Variants in LAMA4 observed in about 807,000 individuals in gnomAD.
The protein encoded by LAMA4 is laminin subunit alpha-4.
In LAMA4, 127 loss-of-function variants were observed where a neutral mutation model predicts 207.1. The observed-to-expected ratio is 0.61, with a 90% CI of 0.53 to 0.71. The LOEUF (loss-of-function observed/expected upper bound fraction) is 0.71. Among genes scored for constraint, LAMA4 ranks in the 30% least tolerant of loss-of-function variants. The pLI is 0.00. For synonymous variants in LAMA4, 761 were observed against 816.0 expected, an observed-to-expected ratio of 0.93 and a Z score of 1.15; for missense variants, 2,093 against 2,246.5, an observed-to-expected ratio of 0.93 and a Z score of 1.38.
intron 2 of LAMA4, among the ~76,000 whole-genome samples, chr6:112,232,146 C>A (rs1273954944): frequency 6.6e-6 from 1 of 152,168 alleles, no homozygotes; most frequent in Non-Finnish European, 1.5e-5. Flanking sequence ...GTAACAAGGC[C>A]ATTTCCAAAT....
chr6:112,251,340 A>T (rs555629915), intron 2 of LAMA4: 1 of 152,224 alleles, frequency 6.6e-6, no homozygotes, highest in Admixed American at 6.5e-5. Context: ...CCAAGTACTC[A>T]GGGATGGAGA....
At chr6:112,208,123 A>T (rs953397865) in intron 3 of LAMA4, among the ~76,000 whole-genome samples, 3 of 152,176 alleles carry the variant, frequency 2.0e-5, no homozygotes, top group African/African-American at 7.2e-5. Context: ...CTTTACATTC[A>T]TCAGAGTGTA....
intron 31 of LAMA4, among the ~76,000 whole-genome samples, chr6:112,125,359 G>A (rs548949611): frequency 5.3e-5 from 8 of 152,086 alleles, no homozygotes; most frequent in African/African-American, 1.4e-4. Context: ...GCCGAGCTTC[G>A]TGCACGTGAT....
At chr6:112,243,324 C>T (rs1786663576) in intron 2 of LAMA4, among the ~76,000 whole-genome samples, 1 of 152,112 alleles carries the variant, frequency 6.6e-6, no homozygotes, top group Non-Finnish European at 1.5e-5. Context: ...CTTTCAGGCT[C>T]TGGACTCTTA....
At chr6:112,129,622 A>G (rs1778908501) in intron 30 of LAMA4, among the ~76,000 whole-genome samples, 1 of 152,128 alleles carries the variant, frequency 6.6e-6, no homozygotes, top group South Asian at 2.1e-4. Flanking sequence ...CAAACCTACC[A>G]AGTAGGCACC....
At chr6:112,116,711 A>G (rs1554324008) in intron 35 of LAMA4, among the ~76,000 whole-genome samples, 1 of 152,206 alleles carries the variant, frequency 6.6e-6, no homozygotes, top group African/African-American at 2.4e-5. Flanking sequence ...AATAATGTTC[A>G]TTTAATGTAT....
chr6:112,254,265 A>T lies in LAMA4; in HGVS notation c.-115T>A. 1.5e-6 allele frequency: 2 copies of T among 1,338,722 alleles called. No homozygotes were observed. Among genetic ancestry groups the T allele is most frequent in the Non-Finnish European group, 1.1e-6 (1 of 948,004 alleles). The allele number at this position is 1,338,722 out of a possible 1,614,324, so 82.9% of individuals were successfully genotyped here. ...ATTTTCCCTCCTCTCCGTGTGCAGTATCCCGAGGTGGCTGCGCAACCAGCA... is the reference window on the plus strand; with the variant it reads ...ATTTTCCCTCCTCTCCGTGTGCAGTTTCCCGAGGTGGCTGCGCAACCAGCA... On this transcript the variant is annotated 5_prime_UTR_variant, in exon 2 of 39. Coordinates refer to ENST00000230538, the MANE Select transcript of LAMA4 (RefSeq NM_001105206.3).
chr6:112,137,363 TA>T lies in LAMA4; in HGVS notation c.3283-1110del, dbSNP rs536160145. ...ATTTCAACTTCTATTTATACTAATT[TA>T]AAAAAACCTGAAATAGAGAAGAAAA... On this transcript the variant is annotated intron_variant, in intron 24 of 38. Transcript: ENST00000230538. 1.4e-3 allele frequency among the ~76,000 whole-genome samples: 216 copies of T among 152,264 alleles called. 7 individuals are homozygous for T. In the South Asian group the frequency reaches 0.027, roughly 19 times the overall value.
rs782687805 is a variant in LAMA4 at position 112,187,603 on chromosome 6, T to C, written c.815-2A>G. The C allele has an allele frequency of 1.9e-6, 3 of 1,613,566 alleles. No homozygotes were observed. The African/African-American group carries it at 4.0e-5, about 22-fold the overall frequency. On this transcript the variant is annotated splice_acceptor_variant, in intron 7 of 38. Coordinates refer to ENST00000230538, the MANE Select transcript of LAMA4 (RefSeq NM_001105206.3). LOFTEE classifies it high-confidence loss of function. ...GGTCCCAGACGCACTTATCACAGCC[T>C]GGAGGTGAAACATTTCTTCAGAATC...
chr6:112,171,483 A>G (rs1554341706), intron 12 of LAMA4: 2 of 153,712 alleles, frequency 1.3e-5, no homozygotes, highest in Non-Finnish European at 2.9e-5. Flanking sequence ...GAACTAGAGA[A>G]GTTGTAGAGG....
At chr6:112,239,893 C>T (rs1339893984) in intron 2 of LAMA4, among the ~76,000 whole-genome samples, 1 of 152,000 alleles carries the variant, frequency 6.6e-6, no homozygotes, top group African/African-American at 2.4e-5. Flanking sequence ...GAAACCCCGT[C>T]TCTACTAAAA....
chr6:112,208,521 T>C (rs1288030182), intron 3 of LAMA4, among the ~76,000 whole-genome samples: 2 of 152,128 alleles, frequency 1.3e-5, no homozygotes, highest in African/African-American at 4.8e-5. Flanking sequence ...TTGCCCGAGG[T>C]CACACGGATA....
intron 32 of LAMA4, among the ~76,000 whole-genome samples, chr6:112,121,239 T>TA (rs1778339820): frequency 6.6e-6 from 1 of 152,196 alleles, no homozygotes; most frequent in African/African-American, 2.4e-5. Flanking sequence ...ATACCACATG[T>TA]AAAAAGCAGC....
intron 2 of LAMA4, among the ~76,000 whole-genome samples, chr6:112,217,371 G>T (rs1340328884): frequency 6.6e-6 from 1 of 152,096 alleles, no homozygotes; most frequent in Admixed American, 6.6e-5. Context: ...TCCGCTCCCC[G>T]CCCATCAGAC....
At chr6:112,157,281 C>A (rs1554337230) in intron 14 of LAMA4, among the ~76,000 whole-genome samples, 1 of 151,270 alleles carries the variant, frequency 6.6e-6, no homozygotes, top group Non-Finnish European at 1.5e-5. Context: ...GTAAGATGTA[C>A]CAAAGATCAT....
chr6:112,195,797 T>A (rs1030444606), intron 5 of LAMA4, among the ~76,000 whole-genome samples: 2 of 152,180 alleles, frequency 1.3e-5, no homozygotes, highest in Non-Finnish European at 1.5e-5. Flanking sequence ...AACATTGAGA[T>A]CATATGACTG....
chr6:112,209,867 C>A (rs1432362543), intron 3 of LAMA4, among the ~76,000 whole-genome samples: 1 of 152,168 alleles, frequency 6.6e-6, no homozygotes, highest in Non-Finnish European at 1.5e-5. Context: ...GAATTTTAAT[C>A]CCCAGTGTTG....
At position 112,139,232 on chromosome 6, in the gene LAMA4, T is replaced by G; in HGVS notation, c.3170A>C (p.Tyr1057Ser). The G allele has an allele frequency of 6.2e-7, 1 of 1,614,192 alleles. No homozygotes were observed. The highest frequency in any genetic ancestry group is 8.5e-7 in the Non-Finnish European group (1 of 1,180,016). Residue 1057 changes from tyrosine to serine, a missense_variant, in exon 24 of 39, where the codon TAT (tyrosine) becomes TCT (serine). Coordinates refer to ENST00000230538, the MANE Select transcript of LAMA4 (RefSeq NM_001105206.3). ...AASYFFDGSG[Y>S]AVVRDITRRG... Reference sequence around the variant, plus strand: ...CCTTGTGATGTCTCTCACCACGGCATAACCGGAGCCATCGAAGAAGTAACT... The same window carrying G: ...CCTTGTGATGTCTCTCACCACGGCAGAACCGGAGCCATCGAAGAAGTAACT...
chr6:112,165,171 C>T lies in LAMA4; in HGVS notation c.1657G>A (p.Asp553Asn). Residue 553 changes from aspartate to asparagine, a missense_variant, in exon 13 of 39, where the codon GAT becomes AAT. Physicochemically the swap from Asp to Asn is conservative, Grantham distance 23 (BLOSUM62 1). Transcript: ENST00000230538. ...ACGTGCGTCCTTACCTTTATTATAT[C>T]ATCAAGTTCTGAAAGAGTTAGACGA... ...TPRLTLSELDDIIKNASGIYA... is the reference protein window; with the variant it reads ...TPRLTLSELDNIIKNASGIYA... 1 of 1,599,942 alleles carries T rather than the reference C, an allele frequency of 6.3e-7. No homozygotes were observed. The highest frequency in any genetic ancestry group is 8.6e-7 in the Non-Finnish European group (1 of 1,167,076).
Sources: gnomAD v4.1 joint callset for allele counts (sites outside exome capture counted in the v4.1 genomes callset) on GRCh38, gnomAD v4.1.1 for gene constraint, MANE v1.5 for transcripts, NCBI Gene and HGNC (gene_info 2026-07-23, HGNC 2026-07-21) for gene names.